COL22A1: variants seen among roughly 807,000 people sequenced by gnomAD.
The protein encoded by COL22A1 is collagen type XXII alpha 1 chain, also known as collagen alpha-1(XXII) chain.
A neutral mutation model predicts 248.9 loss-of-function variants in COL22A1; 221 were observed. The ratio of observed to expected loss-of-function variants is 0.89; its 90% CI spans 0.80 to 0.99. The LOEUF (loss-of-function observed/expected upper bound fraction) is 0.99, where lower values mean the gene tolerates loss of function less well. COL22A1 is among the 50% of genes least tolerant of loss of function. COL22A1 has a pLI of 0.00. For missense variants in COL22A1, 2,240 were observed against 2,179.0 expected, an observed-to-expected ratio of 1.03 and a Z score of -0.56; for synonymous variants, 891 against 793.4, an observed-to-expected ratio of 1.12 and a Z score of -2.07.
intron 16 of COL22A1, among the ~76,000 whole-genome samples, chr8:138,771,489 A>G (rs1834363120): frequency 6.6e-6 from 1 of 152,124 alleles, no homozygotes; most frequent in Non-Finnish European, 1.5e-5. Context: ...GCCCTTTCCA[A>G]GTCTGATAAT....
chr8:138,710,617 A>G (rs1828882871), intron 30 of COL22A1, among the ~76,000 whole-genome samples: 1 of 151,372 alleles, frequency 6.6e-6, no homozygotes, highest in African/African-American at 2.4e-5. Flanking sequence ...CTATATATAT[A>G]TATCTCCATT....
In COL22A1 at chr8:138,872,493, C is replaced by T. The variant is rs553491449; in HGVS notation, c.658+5257G>A. 9.9e-5 allele frequency among the ~76,000 whole-genome samples: 15 copies of T among 150,764 alleles called. 1 individual carries two copies. The South Asian group carries it at 3.1e-3, about 31-fold the overall frequency. On this transcript the variant is annotated intron_variant, in intron 3 of 64. Coordinates refer to ENST00000303045, the MANE Select transcript of COL22A1 (RefSeq NM_152888.3). ...CCTCAAAATAGAAGTAGGTGGAGGC[C>T]TTCTCGGCTGTGGCCAGCTGGCATT...
chr8:138,794,408 C>G (rs1257261684), intron 12 of COL22A1, among the ~76,000 whole-genome samples: 1 of 151,430 alleles, frequency 6.6e-6, no homozygotes. Context: ...AAAGGAGCTG[C>G]TGAACATGTT....
chr8:138,836,872 A>G (rs2131837355), intron 4 of COL22A1, among the ~76,000 whole-genome samples: 1 of 152,294 alleles, frequency 6.6e-6, no homozygotes. Context: ...GAGTTAACAG[A>G]ACAGCCGCTG....
At chr8:138,692,141 T>C (rs561218177) in intron 35 of COL22A1, among the ~76,000 whole-genome samples, 2,281 of 132,530 alleles carry the variant, frequency 0.017, 20 homozygotes, top group Middle Eastern at 0.043. Flanking sequence ...TGTGTGCATG[T>C]TTGTGGTGGT....
At chr8:138,600,874 G>T (rs1413441931) in intron 60 of COL22A1, among the ~76,000 whole-genome samples, 1 of 152,134 alleles carries the variant, frequency 6.6e-6, no homozygotes, top group Non-Finnish European at 1.5e-5. Flanking sequence ...GGATGCTAAG[G>T]CCCTATCTCA....
At chr8:138,653,243 T>C (rs552073499) in intron 45 of COL22A1, among the ~76,000 whole-genome samples, 96 of 152,318 alleles carry the variant, frequency 6.3e-4, no homozygotes, top group Non-Finnish European at 4.9e-4. Flanking sequence ...GAATCCTCAC[T>C]ATGATATTCC....
chr8:138,730,770 G>A (rs367813012), intron 23 of COL22A1, among the ~76,000 whole-genome samples: 1 of 151,946 alleles, frequency 6.6e-6, no homozygotes, highest in Non-Finnish European at 1.5e-5. Flanking sequence ...GGAGCATCTC[G>A]AAAAGTGGGG....
At chr8:138,645,413 C>T (rs1822114830) in intron 47 of COL22A1, among the ~76,000 whole-genome samples, 1 of 152,194 alleles carries the variant, frequency 6.6e-6, no homozygotes, top group East Asian at 1.9e-4. Flanking sequence ...GTCTATTCTG[C>T]CCTAACTTTC....
At chr8:138,767,303 C>A (rs1833984532) in intron 16 of COL22A1, among the ~76,000 whole-genome samples, 1 of 152,036 alleles carries the variant, frequency 6.6e-6, no homozygotes, top group Non-Finnish European at 1.5e-5. Context: ...TGGAAGGGAC[C>A]AGCAACAGGG....
At chr8:138,592,477 C>T (rs1043711486) in intron 63 of COL22A1, among the ~76,000 whole-genome samples, 16 of 152,142 alleles carry the variant, frequency 1.1e-4, no homozygotes, top group African/African-American at 3.6e-4. Context: ...CTGTTTTATG[C>T]TTTCTTATTG....
intron 16 of COL22A1, among the ~76,000 whole-genome samples, chr8:138,775,392 C>T (rs1169978363): frequency 6.6e-6 from 1 of 152,202 alleles, no homozygotes; most frequent in East Asian, 1.9e-4. Flanking sequence ...CCACTGTTAC[C>T]TGGCAGCAGT....
chr8:138,894,447 C>G (rs938525761), intron 1 of COL22A1, among the ~76,000 whole-genome samples: 1 of 152,160 alleles, frequency 6.6e-6, no homozygotes, highest in Non-Finnish European at 1.5e-5. Context: ...AGAAGAACAT[C>G]TGGAAGCAAG....
chr8:138,651,995 C>T (rs991943300), intron 45 of COL22A1, among the ~76,000 whole-genome samples: 6 of 152,190 alleles, frequency 3.9e-5, no homozygotes, highest in African/African-American at 1.4e-4. Flanking sequence ...TGTCGGAGAC[C>T]CAGACCTACC....
Position 138,835,534 on chromosome 8 carries a change from AC to A in COL22A1, c.734-2385del, listed in dbSNP as rs1449417273. On this transcript the variant is annotated intron_variant, in intron 4 of 64. Transcript: ENST00000303045. Reference sequence around the variant, plus strand: ...AGGCTGAGTGAGGCCAGCTTTCCTGACCCGCCAGCTGCTTGAAGACAGGGCC... The same window carrying A: ...AGGCTGAGTGAGGCCAGCTTTCCTGACCGCCAGCTGCTTGAAGACAGGGCC... 2.0e-5 allele frequency among the ~76,000 whole-genome samples: 3 copies of A among 152,028 alleles called. No individual in the cohort carries two copies. The East Asian group carries it at 5.8e-4, about 29-fold the overall frequency.
chr8:138,619,610 T>A, intron 52 of COL22A1, 102 bp from the exon 53 acceptor site: 2 of 1,093,122 alleles, frequency 1.8e-6, no homozygotes, highest in Non-Finnish European at 2.8e-6. Context: ...ACAAGCCAGT[T>A]TCTATCCACC....
At position 138,606,392 on chromosome 8, in the gene COL22A1, G is replaced by C. The variant is rs768909983; in HGVS notation, c.4093C>G (p.Arg1365Gly). 7.0e-5 allele frequency: 113 copies of C among 1,612,794 alleles called. 3 individuals carry two copies. In the South Asian group the frequency reaches 1.1e-3, roughly 16 times the overall value. ...SPGLPGFLGP[R>G]GPPGEPGEKG... ...GGTTCTCTGCTTACCGGAGGCCCAC[G>C]GGGACCCAGGAAGCCAGGAAGTCCT... Residue 1365 changes from arginine to glycine, a missense_variant, in exon 58 of 65, where the codon CGT becomes GGT. Physicochemically the swap from Arg to Gly is moderately radical, Grantham distance 125. Coordinates refer to ENST00000303045, the MANE Select transcript of COL22A1 (RefSeq NM_152888.3).
Position 138,589,146 on chromosome 8 carries a change from A to G in COL22A1, c.*107T>C, listed in dbSNP as rs1021312609. On this transcript the variant is annotated 3_prime_UTR_variant, in exon 65 of 65. Coordinates refer to ENST00000303045, the MANE Select transcript of COL22A1 (RefSeq NM_152888.3). ...AAAAGCAAACGATAAAAGAAAGAAAAAAAAAAGGAACACATGGCTGAAGTC... is the reference window on the plus strand; with the variant it reads ...AAAAGCAAACGATAAAAGAAAGAAAGAAAAAAGGAACACATGGCTGAAGTC... The G allele has an allele frequency of 2.7e-5, 29 of 1,060,664 alleles. No individual in the cohort carries two copies. The highest frequency in any genetic ancestry group is 1.6e-4 in the Admixed American group (5 of 32,044). 65.7% of individuals were successfully genotyped at this position (1,060,664 alleles called of 1,614,324 possible). A position where few individuals can be genotyped will look rare whatever the true frequency, so the allele number is the denominator to read the frequency against.
intron 41 of COL22A1, among the ~76,000 whole-genome samples, chr8:138,674,036 T>C (rs1825285075): frequency 1.3e-5 from 2 of 152,152 alleles, no homozygotes; most frequent in East Asian, 3.9e-4. Flanking sequence ...TTCTGCTCAG[T>C]AACATACCCT....
Sources: gnomAD v4.1 joint callset for allele counts (sites outside exome capture counted in the v4.1 genomes callset) on GRCh38, gnomAD v4.1.1 for gene constraint, MANE v1.5 for transcripts, NCBI Gene and HGNC (gene_info 2026-07-23, HGNC 2026-07-21) for gene names.